ZNF383: variants seen among roughly 807,000 people sequenced by gnomAD.
ZNF383 encodes zinc finger protein 383.
A neutral mutation model predicts 44.2 loss-of-function variants in ZNF383; 32 were observed. The observed-to-expected ratio is 0.72, with a 90% confidence interval of 0.55 to 0.97. The LOEUF (loss-of-function observed/expected upper bound fraction) is 0.97. Ranked by LOEUF, ZNF383 falls within the 50% of genes least tolerant of loss-of-function variation. The pLI is 0.00. For missense variants in ZNF383, 487 were observed against 562.5 expected, an observed-to-expected ratio of 0.87 and a Z score of 1.36; for synonymous variants, 155 against 186.2, an observed-to-expected ratio of 0.83 and a Z score of 1.36.
intron 2 of ZNF383, among the ~76,000 whole-genome samples, chr19:37,228,121 CG>C (rs573785376): frequency 6.6e-6 from 1 of 151,798 alleles, no homozygotes; most frequent in Non-Finnish European, 1.5e-5. Flanking sequence ...TGTTAAGTAA[CG>C]GGTGCCTTCC....
At chr19:37,236,875 T>G (rs1211512096) in intron 5 of ZNF383, among the ~76,000 whole-genome samples, 1 of 151,950 alleles carries the variant, frequency 6.6e-6, no homozygotes, top group African/African-American at 2.4e-5. Flanking sequence ...GCCCCTCTTC[T>G]GCATTTTTTA....
chr19:37,243,385 A>G lies in ZNF383; in HGVS notation c.1149A>G (p.Gln383=), dbSNP rs777951232. 12 of 1,614,112 alleles carry G rather than the reference A, an allele frequency of 7.4e-6. No homozygotes were observed. The highest frequency in any genetic ancestry group is 1.7e-5 in the Admixed American group (1 of 60,022). ...TTACTCAGAGCTCACAGCTTCGTCAACATCAGAGAATTCACGCTGGTGAGA... is the reference window on the plus strand; with the variant it reads ...TTACTCAGAGCTCACAGCTTCGTCAGCATCAGAGAATTCACGCTGGTGAGA... The part of the protein sequence containing the change: ...KAFTQSSQLR[Q]HQRIHAGEKP... Residue 383 remains glutamine (Q), a synonymous_variant, in exon 6 of 6, where the codon CAA becomes CAG. Coordinates refer to ENST00000684119, the MANE Select transcript of ZNF383 (RefSeq NM_001387601.1).
In ZNF383 at chr19:37,243,615, G is replaced by A. The variant is rs1161957520; in HGVS notation, c.1379G>A (p.Ser460Asn). ...YNCKECGKAF[S>N]SGSDLIRHQG... ...TGTAAGGAATGTGGGAAGGCTTTTA[G>A]TAGTGGCTCGGATCTCATTCGTCAT... Residue 460 changes from serine (S) to asparagine (N), a missense_variant, in exon 6 of 6, where the codon AGT becomes AAT. Ser to Asn is a conservative substitution (Grantham distance 46, BLOSUM62 1). Coordinates refer to ENST00000684119, the MANE Select transcript of ZNF383 (RefSeq NM_001387601.1). 1.3e-6 allele frequency: 2 copies of A among 1,596,220 alleles called. No homozygotes were observed. Among genetic ancestry groups the A allele is most frequent in the Non-Finnish European group, 1.7e-6 (2 of 1,169,168 alleles).
At chr19:37,231,596 G>A (rs577661799) in intron 3 of ZNF383, among the ~76,000 whole-genome samples, 1 of 152,174 alleles carries the variant, frequency 6.6e-6, no homozygotes, top group South Asian at 2.1e-4. Context: ...AGATCACATG[G>A]GGGTAGTTTA....
At chr19:37,226,050 C>T (rs1973154215) in intron 2 of ZNF383, among the ~76,000 whole-genome samples, 1 of 150,934 alleles carries the variant, frequency 6.6e-6, no homozygotes, top group South Asian at 2.1e-4. Context: ...ATATTTTTAA[C>T]TTCCATTGCA....
At chr19:37,236,838 G>C (rs1599798542) in intron 5 of ZNF383, among the ~76,000 whole-genome samples, 1 of 152,120 alleles carries the variant, frequency 6.6e-6, no homozygotes, top group African/African-American at 2.4e-5. Context: ...AAAGTGCTGG[G>C]ATTACAGGCA....
At chr19:37,225,427 A>G (rs923983884) in intron 2 of ZNF383, among the ~76,000 whole-genome samples, 2 of 152,158 alleles carry the variant, frequency 1.3e-5, no homozygotes, top group African/African-American at 4.8e-5. Flanking sequence ...AGTGTTAAGT[A>G]TATTCATATT....
At chr19:37,221,955 C>CA (rs71177435) in intron 1 of ZNF383, among the ~76,000 whole-genome samples, 41,738 of 93,554 alleles carry the variant, frequency 0.45, 8,170 homozygotes, top group African/African-American at 0.56. Context: ...GACTCTGTCT[C>CA]AAAAAAAAAA....
intron 3 of ZNF383, among the ~76,000 whole-genome samples, chr19:37,234,384 T>C (rs1472169577): frequency 6.6e-6 from 1 of 152,050 alleles, no homozygotes; most frequent in African/African-American, 2.4e-5. Flanking sequence ...AGACAACTTT[T>C]ATTTTATTTT....
Position 37,246,216 on chromosome 19 carries a change from A to G in ZNF383, c.*2552A>G, listed in dbSNP as rs1301707296. ...ACCTCAAACTGTTATCACATAATAC[A>G]GGTTTAGTAAAAGTTTTCCACTATT... On this transcript the variant is annotated 3_prime_UTR_variant, in exon 6 of 6. Transcript: ENST00000684119. 1 of 152,248 alleles carries G rather than the reference A, an allele frequency of 6.6e-6. No individual in the cohort carries two copies. The highest frequency in any genetic ancestry group is 1.9e-4 in the East Asian group (1 of 5,204). 9.4% of individuals were successfully genotyped at this position (152,248 alleles called of 1,614,324 possible). A position where few individuals can be genotyped will look rare whatever the true frequency, so the allele number is the denominator to read the frequency against.
intron 3 of ZNF383, among the ~76,000 whole-genome samples, chr19:37,234,611 C>T (rs1478842530): frequency 2.6e-5 from 4 of 151,706 alleles, no homozygotes; most frequent in Non-Finnish European, 4.4e-5. Context: ...AGGATGGTCT[C>T]GATCTCCTGA....
chr19:37,242,674 A>C lies in ZNF383; in HGVS notation c.438A>C (p.Glu146Asp), dbSNP rs376494304. The change falls in exon 6 of 6, where the codon GAA becomes GAC. Residue 146 changes from glutamate to aspartate, a missense_variant. Physicochemically the swap from Glu to Asp is conservative, Grantham distance 45 (BLOSUM62 2). Transcript: ENST00000684119. ...TTAGTCAAGAAATATTCACTCCTGAATACATGCCCACATTTATTCAACAGA... is the reference window on the plus strand; with the variant it reads ...TTAGTCAAGAAATATTCACTCCTGACTACATGCCCACATTTATTCAACAGA... The part of the protein sequence containing the change: ...GHFSQEIFTP[E>D]YMPTFIQQTF... The C allele has an allele frequency of 3.0e-5, 48 of 1,614,020 alleles. No individual in the cohort carries two copies. Among genetic ancestry groups the C allele is most frequent in the Non-Finnish European group, 4.0e-5 (47 of 1,180,000 alleles).
chr19:37,231,295 AG>A (rs1973473679), intron 3 of ZNF383, among the ~76,000 whole-genome samples: 1 of 152,140 alleles, frequency 6.6e-6, no homozygotes, highest in Admixed American at 6.6e-5. Context: ...AAGCAGAGGC[AG>A]GCGGATCACC....
intron 3 of ZNF383, among the ~76,000 whole-genome samples, chr19:37,233,566 A>G (rs1156883428): frequency 6.6e-6 from 1 of 151,526 alleles, no homozygotes; most frequent in Non-Finnish European, 1.5e-5. Context: ...AGTAGCTGGG[A>G]CTACAGGCGC....
rs368457706 is a variant in ZNF383, at chr19:37,248,243, A to T, written c.*4579A>T. ...GATTTTTATAGGTGAAATCTATGAA[A>T]TGTCTTAGGAAACTCTTCTAGGACA... On this transcript the variant is annotated 3_prime_UTR_variant, in exon 6 of 6. Coordinates refer to ENST00000684119, the MANE Select transcript of ZNF383 (RefSeq NM_001387601.1). 9 of 152,236 alleles carry T rather than the reference A, an allele frequency of 5.9e-5. No individual in the cohort carries two copies. Among genetic ancestry groups the T allele is most frequent in the African/African-American group, 2.2e-4 (9 of 41,466 alleles). 9.4% of individuals were successfully genotyped at this position (152,236 alleles called of 1,614,324 possible). A position where few individuals can be genotyped will look rare whatever the true frequency, so the allele number is the denominator to read the frequency against.
In ZNF383 at chr19:37,246,732, T is replaced by C. The variant is rs1031803492; in HGVS notation, c.*3068T>C. The C allele has an allele frequency of 1.3e-5, 2 of 152,102 alleles. No homozygotes were observed. Among genetic ancestry groups the C allele is most frequent in the African/African-American group, 4.8e-5 (2 of 41,414 alleles). The allele number at this position is 152,102 out of a possible 1,614,324, so 9.4% of individuals were successfully genotyped here. A position where few individuals can be genotyped will look rare whatever the true frequency, so the allele number is the denominator to read the frequency against. Reference sequence around the variant, plus strand: ...TGAACCTGGGAGTTGGAGGTTATAGTGAGCTGAGATTGCACCACTGCACAC... The same window carrying C: ...TGAACCTGGGAGTTGGAGGTTATAGCGAGCTGAGATTGCACCACTGCACAC... On this transcript the variant is annotated 3_prime_UTR_variant, in exon 6 of 6. Transcript: ENST00000684119.
intron 5 of ZNF383, among the ~76,000 whole-genome samples, chr19:37,237,178 A>C (rs1973856131): frequency 6.6e-6 from 1 of 152,178 alleles, no homozygotes; most frequent in African/African-American, 2.4e-5. Context: ...TACAAATTCA[A>C]GGTCCAAAAG....
intron 5 of ZNF383, among the ~76,000 whole-genome samples, chr19:37,238,303 A>C (rs1233589897): frequency 6.7e-6 from 1 of 148,562 alleles, no homozygotes; most frequent in Non-Finnish European, 1.5e-5. Flanking sequence ...ATGATATATA[A>C]ATATTTTTAG....
At chr19:37,239,502 T>C (rs1029695514) in intron 5 of ZNF383, among the ~76,000 whole-genome samples, 3 of 152,170 alleles carry the variant, frequency 2.0e-5, no homozygotes, top group Non-Finnish European at 4.4e-5. Context: ...GAAGAACCCC[T>C]GTGAAGGTTC....
Sources: allele counts gnomAD v4.1 joint callset (sites outside exome capture counted in the v4.1 genomes callset), GRCh38; gene constraint gnomAD v4.1.1; transcripts MANE v1.5; gene names NCBI Gene and HGNC (gene_info 2026-07-23, HGNC 2026-07-21).